The following MTCL2 variants were observed in gnomAD, a reference collection of about 807,000 sequenced individuals.
MTCL2 encodes the protein microtubule cross-linking factor 2.
chr20:36,843,538 A>G, the MTCL2 span, among the ~76,000 whole-genome samples: 1 of 152,004 alleles, frequency 6.6e-6, no homozygotes, highest in African/African-American at 2.4e-5. Flanking sequence ...ACACCAGTTA[A>G]AAAAATGAGG....
chr20:36,824,038 C>T, the MTCL2 span, among the ~76,000 whole-genome samples: 1 of 152,232 alleles, frequency 6.6e-6, no homozygotes, highest in African/African-American at 2.4e-5. Flanking sequence ...TCTGAAGACA[C>T]AACAGGGTCC....
At chr20:36,794,518 G>A in the MTCL2 span, 1 of 1,614,038 alleles carries the variant, frequency 6.2e-7, no homozygotes, top group Middle Eastern at 1.6e-4. The surrounding 1 kb of genome is among the most constrained non-coding windows in gnomAD (Gnocchi z 5.4). Flanking sequence ...GCAGCTTCTT[G>A]CCCCGGGCAT....
the MTCL2 span, chr20:36,839,303 G>A: frequency 4.2e-5 from 68 of 1,612,412 alleles, no homozygotes; most frequent in Admixed American, 4.3e-4. The surrounding 1 kb of genome is among the most constrained non-coding windows in gnomAD (Gnocchi z 5.1). Flanking sequence ...TCGGCTTTGC[G>A]CAGCCGGTAC....
chr20:36,829,767 A>T, the MTCL2 span, among the ~76,000 whole-genome samples: 3 of 151,484 alleles, frequency 2.0e-5, no homozygotes, highest in Non-Finnish European at 4.4e-5. Context: ...GGAGGTCGAG[A>T]CAGGTGGATC....
chr20:36,824,739 G>A, the MTCL2 span, among the ~76,000 whole-genome samples: 3 of 150,476 alleles, frequency 2.0e-5, no homozygotes, highest in African/African-American at 4.9e-5. Context: ...TGCAACCTCC[G>A]TTTCCCAGGC....
chr20:36,794,825 G>C, the MTCL2 span: 1 of 590,052 alleles, frequency 1.7e-6, no homozygotes, highest in Non-Finnish European at 3.0e-6. This position sits in a 1 kb window ranked among gnomAD's most constrained non-coding sequence, Gnocchi z 5.4. Flanking sequence ...CTGGAATGCA[G>C]TAGTGCAATA....
the MTCL2 span, chr20:36,815,681 G>A: frequency 6.2e-7 from 1 of 1,606,882 alleles, no homozygotes; most frequent in Non-Finnish European, 8.5e-7. This position sits in a 1 kb window ranked among gnomAD's most constrained non-coding sequence, Gnocchi z 5.3. Flanking sequence ...GCAGCTTCTT[G>A]ACCTTGCCGC....
the MTCL2 span, among the ~76,000 whole-genome samples, chr20:36,837,013 G>T: frequency 6.6e-6 from 1 of 152,206 alleles, no homozygotes; most frequent in Non-Finnish European, 1.5e-5. Context: ...GTTTGCCAGT[G>T]TCTTCCAACA....
At chr20:36,854,618 G>C in the MTCL2 span, among the ~76,000 whole-genome samples, 3 of 152,166 alleles carry the variant, frequency 2.0e-5, no homozygotes, top group Non-Finnish European at 4.4e-5. Context: ...CCATGGGGTA[G>C]GGTCAAGGAG....
chr20:36,836,251 T>A, the MTCL2 span, among the ~76,000 whole-genome samples: 5 of 151,796 alleles, frequency 3.3e-5, no homozygotes, highest in African/African-American at 1.2e-4. Context: ...CATAGCTCAC[T>A]GAAACCTTTA....
At chr20:36,796,590 A>C in the MTCL2 span, among the ~76,000 whole-genome samples, 4 of 152,132 alleles carry the variant, frequency 2.6e-5, no homozygotes. Context: ...AGAGGAGCAA[A>C]ATGTTTTGTT....
chr20:36,811,537 C>T, the MTCL2 span, among the ~76,000 whole-genome samples: 100 of 150,890 alleles, frequency 6.6e-4, no homozygotes, highest in Middle Eastern at 3.4e-3. Context: ...GGCTGAGGCT[C>T]GAGATTCGCT....
the MTCL2 span, chr20:36,803,246 T>C: frequency 7.7e-7 from 1 of 1,301,034 alleles, no homozygotes; most frequent in Non-Finnish European, 1.0e-6. Flanking sequence ...CTAACCCAGC[T>C]TAGTCCTCCC....
At chr20:36,802,430 CTTCTT>C in the MTCL2 span, among the ~76,000 whole-genome samples, 1 of 152,094 alleles carries the variant, frequency 6.6e-6, no homozygotes, top group Non-Finnish European at 1.5e-5. Context: ...TCCTTTCCTC[CTTCTT>C]TTGATTGGAG....
chr20:36,794,321 T>C, the MTCL2 span: 2 of 1,571,794 alleles, frequency 1.3e-6, no homozygotes, highest in East Asian at 2.4e-5. This position sits in a 1 kb window ranked among gnomAD's most constrained non-coding sequence, Gnocchi z 5.4. Flanking sequence ...CGGGGGACTA[T>C]AGTAGACTCG....
At chr20:36,845,010 C>CAA in the MTCL2 span, among the ~76,000 whole-genome samples, 3,097 of 126,908 alleles carry the variant, frequency 0.024, 129 homozygotes, top group African/African-American at 0.08. Context: ...GATTCTGTCT[C>CAA]AAAAAAAAAA....
At chr20:36,836,448 G>A in the MTCL2 span, among the ~76,000 whole-genome samples, 1 of 147,398 alleles carries the variant, frequency 6.8e-6, no homozygotes, top group Non-Finnish European at 1.5e-5. Flanking sequence ...AGGTTCAAGC[G>A]ATTCATCTGC....
the MTCL2 span, among the ~76,000 whole-genome samples, chr20:36,796,255 CCA>C: frequency 6.6e-6 from 1 of 152,230 alleles, no homozygotes. Context: ...CCTATCATCC[CCA>C]CTAGACAGAG....
the MTCL2 span, among the ~76,000 whole-genome samples, chr20:36,818,709 C>T: frequency 2.0e-5 from 3 of 152,132 alleles, no homozygotes; most frequent in Non-Finnish European, 4.4e-5. Flanking sequence ...GCAAATTCTG[C>T]ATGGAAATAA....
Sources: gnomAD v4.1 joint callset for allele counts (sites outside exome capture counted in the v4.1 genomes callset) on GRCh38, gnomAD v4.1.1 for gene constraint, Gnocchi (gnomAD v3.1) non-coding constraint, MANE v1.5 for transcripts, NCBI Gene and HGNC (gene_info 2026-07-23, HGNC 2026-07-21) for gene names.